MAP2K2: variants seen among roughly 807,000 people sequenced by gnomAD.
The protein encoded by MAP2K2 is mitogen-activated protein kinase kinase 2.
Under a neutral mutation model 43.7 loss-of-function variants are expected in MAP2K2, and 24 were observed. The observed-to-expected ratio is 0.55, with a 90% CI of 0.40 to 0.77. The LOEUF (loss-of-function observed/expected upper bound fraction) is 0.77, where lower values mean the gene tolerates loss of function less well. Among genes scored for constraint, MAP2K2 ranks in the 30% least tolerant of loss-of-function variants. The pLI is 0.00. For missense variants in MAP2K2, 470 were observed against 566.8 expected (o/e 0.83, Z 1.73); for synonymous variants, 244 against 239.7 (o/e 1.02, Z -0.17).
At chr19:4,096,907 A>G (rs1445858348) in intron 8 of MAP2K2, among the ~76,000 whole-genome samples, 1 of 152,078 alleles carries the variant, frequency 6.6e-6, no homozygotes, top group Non-Finnish European at 1.5e-5. Flanking sequence ...CTTGTGCAGC[A>G]CAGTAGAAGA....
At chr19:4,108,246 G>GT (rs2041111816) in intron 3 of MAP2K2, among the ~76,000 whole-genome samples, 1 of 152,052 alleles carries the variant, frequency 6.6e-6, no homozygotes, top group African/African-American at 2.4e-5. Flanking sequence ...GTTTTTGTTT[G>GT]TTTGTTTGTT....
intron 8 of MAP2K2, among the ~76,000 whole-genome samples, chr19:4,096,282 A>G (rs187036480): frequency 5.7e-4 from 87 of 152,268 alleles, no homozygotes; most frequent in African/African-American, 2.1e-3. Context: ...GAGCTGGGTC[A>G]CCAGGGCCAC....
At position 4,091,739 on chromosome 19, in the gene MAP2K2, C is replaced by T. The variant is rs559449026; in HGVS notation, c.1093-1031G>A. Among the ~76,000 whole-genome samples the T allele has an allele frequency of 1.3e-4, 20 of 152,246 alleles. No homozygotes were observed. In the East Asian group the frequency reaches 3.9e-3, roughly 29 times the overall value. Reference sequence around the variant, plus strand: ...TCTCAGCTCACTGTAACCTCTGCCTCCCAGGTTCAAGCAATTCTCCCGCCT... The same window carrying T: ...TCTCAGCTCACTGTAACCTCTGCCTTCCAGGTTCAAGCAATTCTCCCGCCT... On this transcript the variant is annotated intron_variant, in intron 10 of 10. Coordinates refer to ENST00000262948, the MANE Select transcript of MAP2K2 (RefSeq NM_030662.4).
chr19:4,111,163 C>G (rs1206274360), intron 2 of MAP2K2, among the ~76,000 whole-genome samples: 2 of 152,072 alleles, frequency 1.3e-5, no homozygotes, highest in Non-Finnish European at 2.9e-5. Flanking sequence ...CTGATGTGGA[C>G]AGGGTTCTTT....
chr19:4,093,841 C>T (rs980888132), intron 10 of MAP2K2, among the ~76,000 whole-genome samples: 2 of 152,082 alleles, frequency 1.3e-5, no homozygotes, highest in Admixed American at 1.3e-4. Flanking sequence ...AATCAGCTGT[C>T]GAGGGGTTTG....
At chr19:4,096,196 G>A (rs1414626194) in intron 8 of MAP2K2, among the ~76,000 whole-genome samples, 2 of 152,250 alleles carry the variant, frequency 1.3e-5, no homozygotes, top group Admixed American at 6.5e-5. Flanking sequence ...CCGCGCAGGG[G>A]CAGGGGCGGG....
intron 9 of MAP2K2, chr19:4,095,142 C>T (rs922030686): frequency 1.8e-5 from 9 of 496,244 alleles, no homozygotes; most frequent in Non-Finnish European, 2.6e-5. Context: ...CTGGGGACAC[C>T]GTCATGTGCA....
At chr19:4,111,915 T>C (rs1486831413) in intron 2 of MAP2K2, among the ~76,000 whole-genome samples, 1 of 151,980 alleles carries the variant, frequency 6.6e-6, no homozygotes, top group Admixed American at 6.6e-5. Flanking sequence ...ATCGCACCAT[T>C]GCACTCCAGC....
Position 4,099,412 on chromosome 19 carries a change from C to T in MAP2K2, c.708G>A (p.Pro236=), listed in dbSNP as rs569999283. Residue 236 remains proline, a splice_region_variant and synonymous_variant, in exon 7 of 11, where the codon CCG becomes CCA. Transcript: ENST00000262948. The part of the protein sequence containing the change: ...SFVGTRSYMA[P]ERLQGTHYSV... The stretch of plus-strand genomic sequence containing the variant: ...AGTAATGTGTGCCCTGCAACCGCTC[C>T]GGCTGCAGCAGAGCCAGGGAGGAAA... 7.5e-6 allele frequency: 12 copies of T among 1,600,900 alleles called. No individual in the cohort carries two copies. Among genetic ancestry groups the T allele is most frequent in the South Asian group, 3.4e-5 (3 of 89,446 alleles).
chr19:4,099,477 G>A (rs1203394252), intron 6 of MAP2K2, 63 bp from the exon 7 acceptor site: 18 of 1,375,148 alleles, frequency 1.3e-5, no homozygotes, highest in Non-Finnish European at 1.7e-5. Context: ...AACCCGGGAG[G>A]CTTGCCCCGT....
intron 4 of MAP2K2, 74 bp downstream of exon 4, chr19:4,102,302 C>A: frequency 7.4e-7 from 1 of 1,350,880 alleles, no homozygotes; most frequent in South Asian, 1.2e-5. Flanking sequence ...GAGTGGCTCC[C>A]GGAACCCTGG....
intron 10 of MAP2K2, among the ~76,000 whole-genome samples, chr19:4,092,788 C>A (rs751354542): frequency 6.6e-6 from 1 of 152,090 alleles, no homozygotes; most frequent in Non-Finnish European, 1.5e-5. Context: ...AAAAGTCACA[C>A]ATGCCAGGTG....
chr19:4,097,415 G>T, intron 7 of MAP2K2, 72 bp from the exon 8 acceptor site: 1 of 1,219,292 alleles, frequency 8.2e-7, no homozygotes, highest in Non-Finnish European at 1.2e-6. Flanking sequence ...TGGGCTCCCA[G>T]GGGGCTGATC....
At chr19:4,094,315 C>A in intron 10 of MAP2K2, 138 bp downstream of exon 10, 1 of 902,882 alleles carries the variant, frequency 1.1e-6, no homozygotes, top group Non-Finnish European at 1.8e-6. Context: ...CTCGGCGTGG[C>A]CTGGCACACC....
At chr19:4,094,773 G>A in intron 9 of MAP2K2, 1 of 537,290 alleles carries the variant, frequency 1.9e-6, no homozygotes, top group Non-Finnish European at 3.4e-6. Flanking sequence ...TCAGAAGCCT[G>A]GACGCAACCC....
At chr19:4,105,802 T>C (rs1225555070) in intron 3 of MAP2K2, among the ~76,000 whole-genome samples, 1 of 151,804 alleles carries the variant, frequency 6.6e-6, no homozygotes, top group Non-Finnish European at 1.5e-5. Context: ...GCTTCCCAAG[T>C]AGCTGGGAGT....
rs201110543 is a variant in MAP2K2 at position 4,094,475 on chromosome 19, C to T, written c.1070G>A (p.Arg357Gln). The T allele has an allele frequency of 8.3e-6, 13 of 1,568,250 alleles. No homozygotes were observed. The highest frequency in any genetic ancestry group is 5.7e-5 in the Admixed American group (3 of 52,702). The change falls in exon 10 of 11, where the codon CGG (arginine) becomes CAG (glutamine). Residue 357 changes from arginine (R) to glutamine (Q), a missense_variant. Coordinates refer to ENST00000262948, the MANE Select transcript of MAP2K2 (RefSeq NM_030662.4). ...CACTGTGAGCATCTTCAGGTCCGCC[C>T]GCTCCGCTGGGTTCTTGATGAGGCT... The part of the protein sequence containing the change: ...NKCLIKNPAE[R>Q]ADLKMLTNHT...
rs763424788 is a variant in MAP2K2, at chr19:4,099,197, G to A, written c.919+4C>T. 85 of 1,597,070 alleles carry A rather than the reference G, an allele frequency of 5.3e-5. No individual in the cohort carries two copies. Among genetic ancestry groups the A allele is most frequent in the African/African-American group, 9.4e-5 (7 of 74,860 alleles). On this transcript the variant is annotated splice_donor_region_variant and intron_variant, in intron 7 of 10. Transcript: ENST00000262948. ...AGACCGGAAGTTGCAGATTCAGGCC[G>A]TACCGCTGACGGGGCGCCCGGGGGG... is the stretch of plus-strand genomic sequence containing the variant.
rs534655537 is a variant in MAP2K2 at position 4,108,776 on chromosome 19, G to T, written c.450+1733C>A. Reference sequence around the variant, plus strand: ...GAGAACTGAGTCAGCCACACAAAACGAGGATGGACAGAACTCCTGAGTAGC... The same window carrying T: ...GAGAACTGAGTCAGCCACACAAAACTAGGATGGACAGAACTCCTGAGTAGC... On this transcript the variant is annotated intron_variant, in intron 3 of 10. Coordinates refer to ENST00000262948, the MANE Select transcript of MAP2K2 (RefSeq NM_030662.4). Among the ~76,000 whole-genome samples, 133 of 152,258 alleles carry T rather than the reference G, an allele frequency of 8.7e-4. 1 individual carries two copies. The highest frequency in any genetic ancestry group is 3.1e-3 in the African/African-American group (129 of 41,544).
Sources: gnomAD v4.1 joint callset for allele counts (sites outside exome capture counted in the v4.1 genomes callset) on GRCh38, gnomAD v4.1.1 for gene constraint, MANE v1.5 for transcripts, NCBI Gene and HGNC (gene_info 2026-07-23, HGNC 2026-07-21) for gene names.